MACROD2: variants seen among roughly 807,000 people sequenced by gnomAD.
The protein encoded by MACROD2 is mono-ADP ribosylhydrolase 2.
Under a neutral mutation model 70.4 loss-of-function variants are expected in MACROD2, and 36 were observed. That is an observed-to-expected ratio of 0.51 (90% CI 0.39 to 0.68). The LOEUF is 0.68. Ranked by LOEUF, MACROD2 falls within the 30% of genes least tolerant of loss-of-function variation. The pLI is 0.00. For synonymous variants in MACROD2, 172 were observed against 178.8 expected (o/e 0.96, Z 0.30); for missense variants, 496 against 538.4 (o/e 0.92, Z 0.78).
intron 3 of MACROD2, among the ~76,000 whole-genome samples, chr20:14,472,818 G>A (rs992728308): frequency 6.6e-6 from 1 of 152,074 alleles, no homozygotes; most frequent in South Asian, 2.1e-4. Context: ...CTGGTATTTG[G>A]TGGTCCTGGT....
chr20:15,643,930 T>C (rs2049500874), intron 8 of MACROD2, among the ~76,000 whole-genome samples: 1 of 152,198 alleles, frequency 6.6e-6, no homozygotes, highest in Non-Finnish European at 1.5e-5. Context: ...CAGCCATCAC[T>C]TCTGTTTCTA....
rs144230200 is a variant in MACROD2, at chr20:14,092,173, A to G, written c.271+6445A>G. Reference sequence around the variant, plus strand: ...TGTTAATAGCTAATCATGTTTTTTGATATTTATTTTTTATTTTTAAATTTT... The same window carrying G: ...TGTTAATAGCTAATCATGTTTTTTGGTATTTATTTTTTATTTTTAAATTTT... On this transcript the variant is annotated intron_variant, in intron 3 of 17. Transcript: ENST00000684519. Among the ~76,000 whole-genome samples, 454 of 151,972 alleles carry G rather than the reference A, an allele frequency of 3.0e-3. 5 individuals carry two copies. The highest frequency in any genetic ancestry group is 0.01 in the African/African-American group (435 of 41,456).
intron 5 of MACROD2, among the ~76,000 whole-genome samples, chr20:14,803,026 C>G (rs1241725093): frequency 6.6e-6 from 1 of 152,026 alleles, no homozygotes; most frequent in Non-Finnish European, 1.5e-5. Flanking sequence ...TTTACATATA[C>G]TCAATATGGT....
intron 7 of MACROD2, among the ~76,000 whole-genome samples, chr20:15,480,469 G>A (rs2047082293): frequency 6.6e-6 from 1 of 152,164 alleles, no homozygotes; most frequent in Admixed American, 6.5e-5. Flanking sequence ...TGATAATCTA[G>A]TGAATTAGCT....
chr20:14,013,380 C>G (rs1048528184), intron 2 of MACROD2, among the ~76,000 whole-genome samples: 1 of 150,962 alleles, frequency 6.6e-6, no homozygotes, highest in South Asian at 2.1e-4. Flanking sequence ...TCATGCCATA[C>G]TCCTGCCTCA....
chr20:14,906,015 G>T (rs1193584474), intron 5 of MACROD2: 6 of 151,766 alleles, frequency 4.0e-5, no homozygotes, highest in South Asian at 2.1e-4. Flanking sequence ...TCTTTGACTT[G>T]GTACTTCCAC....
chr20:15,835,390 G>T (rs1009097238), intron 8 of MACROD2, among the ~76,000 whole-genome samples: 12 of 151,856 alleles, frequency 7.9e-5, no homozygotes, highest in African/African-American at 2.9e-4. Context: ...TTGAAATCTT[G>T]CCTGATACTT....
At chr20:14,404,934 G>T (rs971838112) in intron 3 of MACROD2, among the ~76,000 whole-genome samples, 1 of 151,718 alleles carries the variant, frequency 6.6e-6, no homozygotes, top group African/African-American at 2.4e-5. Context: ...TATTTAAAAC[G>T]TACAGAATAT....
At chr20:14,205,101 G>A (rs918876507) in intron 3 of MACROD2, among the ~76,000 whole-genome samples, 16 of 152,180 alleles carry the variant, frequency 1.1e-4, no homozygotes, top group African/African-American at 3.6e-4. Flanking sequence ...CAAATATCTG[G>A]AACAGGAACC....
intron 6 of MACROD2, among the ~76,000 whole-genome samples, chr20:15,316,471 A>G (rs1270540006): frequency 6.6e-6 from 1 of 152,144 alleles, no homozygotes; most frequent in Non-Finnish European, 1.5e-5. Context: ...AAATATTAAT[A>G]AAAGAGTCTA....
At chr20:14,836,525 G>T (rs757783656) in intron 5 of MACROD2, among the ~76,000 whole-genome samples, 5 of 152,056 alleles carry the variant, frequency 3.3e-5, no homozygotes, top group Non-Finnish European at 7.4e-5. Context: ...TGCATATGAT[G>T]ACTGTCTTTA....
intron 10 of MACROD2, among the ~76,000 whole-genome samples, chr20:15,920,854 A>C (rs562724900): frequency 6.6e-6 from 1 of 152,326 alleles, no homozygotes; most frequent in South Asian, 2.1e-4. Context: ...GTTCTTCAGG[A>C]TAATTCAGAG....
At chr20:15,432,692 A>G (rs902481433) in intron 7 of MACROD2, among the ~76,000 whole-genome samples, 2 of 151,472 alleles carry the variant, frequency 1.3e-5, no homozygotes, top group Admixed American at 1.3e-4. Flanking sequence ...ATGTTCTTTC[A>G]TTGCAATCTT....
chr20:14,347,462 G>C (rs1251526665), intron 3 of MACROD2, among the ~76,000 whole-genome samples: 1 of 152,200 alleles, frequency 6.6e-6, no homozygotes, highest in Non-Finnish European at 1.5e-5. Context: ...AGCATGAAAA[G>C]AGTAGTGGAC....
chr20:14,386,389 A>G (rs2083468035), intron 3 of MACROD2, among the ~76,000 whole-genome samples: 1 of 152,170 alleles, frequency 6.6e-6, no homozygotes, highest in Non-Finnish European at 1.5e-5. Flanking sequence ...TGATGGCAAT[A>G]TAGTTTGGAT....
intron 6 of MACROD2, among the ~76,000 whole-genome samples, chr20:15,319,187 A>T (rs2077846697): frequency 6.6e-6 from 1 of 152,188 alleles, no homozygotes; most frequent in Non-Finnish European, 1.5e-5. Flanking sequence ...CTGAAAAGAA[A>T]ATTAAGAATA....
chr20:14,991,886 G>A (rs2074907400), intron 5 of MACROD2, among the ~76,000 whole-genome samples: 1 of 152,046 alleles, frequency 6.6e-6, no homozygotes, highest in Non-Finnish European at 1.5e-5. Context: ...AGATCAAAAT[G>A]GTTATAACTG....
At chr20:14,899,621 T>A (rs1235155643) in intron 5 of MACROD2, among the ~76,000 whole-genome samples, 8 of 152,180 alleles carry the variant, frequency 5.3e-5, no homozygotes, top group African/African-American at 1.9e-4. Context: ...TAATGACCTC[T>A]GTTAACTTGA....
At chr20:15,133,062 G>A (rs983333721) in intron 5 of MACROD2, among the ~76,000 whole-genome samples, 4 of 152,000 alleles carry the variant, frequency 2.6e-5, no homozygotes, top group South Asian at 2.1e-4. Flanking sequence ...ATGGAAGAAA[G>A]TATTAAATAT....
Sources: allele counts gnomAD v4.1 joint callset (sites outside exome capture counted in the v4.1 genomes callset), GRCh38; gene constraint gnomAD v4.1.1; transcripts MANE v1.5; gene names NCBI Gene and HGNC (gene_info 2026-07-23, HGNC 2026-07-21).